NDUFAF6: variants seen among roughly 807,000 people sequenced by gnomAD.
NDUFAF6 encodes the protein NADH:ubiquinone oxidoreductase complex assembly factor 6, also known as NADH dehydrogenase (ubiquinone) complex I, assembly factor 6.
A neutral mutation model predicts 40.8 loss-of-function variants in NDUFAF6; 45 were observed. That is an observed-to-expected ratio of 1.10 (90% confidence interval 0.87 to 1.42). NDUFAF6 has a LOEUF of 1.42. Among genes scored for constraint, NDUFAF6 ranks in the 40% most tolerant of loss-of-function variants. The pLI is 0.00. For synonymous variants in NDUFAF6, 185 were observed against 155.9 expected, an observed-to-expected ratio of 1.19 and a Z score of -1.39; for missense variants, 435 against 418.5, an observed-to-expected ratio of 1.04 and a Z score of -0.34.
intron 1 of NDUFAF6, among the ~76,000 whole-genome samples, chr8:94,971,578 C>T (rs185511895): frequency 7.2e-4 from 110 of 152,244 alleles, no homozygotes; most frequent in African/African-American, 2.5e-3. Context: ...AGGTTTCTCA[C>T]AGGTGGAGAT....
chr8:94,991,908 C>T (rs1222403913), intron 2 of NDUFAF6, among the ~76,000 whole-genome samples: 2 of 150,200 alleles, frequency 1.3e-5, no homozygotes, highest in African/African-American at 2.4e-5. Context: ...CCAAATATTT[C>T]CTACAACAAA....
upstream of NDUFAF6, among the ~76,000 whole-genome samples, chr8:95,099,785 A>G (rs1280570417): frequency 1.3e-5 from 2 of 152,248 alleles, no homozygotes; most frequent in East Asian, 3.9e-4. Flanking sequence ...GCACAAAGCC[A>G]TCTTGAAGTT....
At chr8:95,011,211 C>T (rs1827215224) in intron 2 of NDUFAF6, among the ~76,000 whole-genome samples, 2 of 152,234 alleles carry the variant, frequency 1.3e-5, no homozygotes, top group African/African-American at 4.8e-5. Flanking sequence ...CACACTTTTA[C>T]TACATTTCTG....
upstream of NDUFAF6, among the ~76,000 whole-genome samples, chr8:95,095,664 GC>G (rs1809436223): frequency 1.9e-5 from 2 of 105,372 alleles, no homozygotes; most frequent in African/African-American, 6.0e-5. Context: ...AGATCATTTC[GC>G]TTTTTTTTTT....
downstream of NDUFAF6, among the ~76,000 whole-genome samples, chr8:95,106,667 A>G (rs1809851496): frequency 6.6e-6 from 1 of 152,234 alleles, no homozygotes; most frequent in South Asian, 2.1e-4. Flanking sequence ...TTGCACAGCA[A>G]AAGAAACTAC....
chr8:94,913,464 C>T (rs911250351), intron 1 of NDUFAF6, among the ~76,000 whole-genome samples: 1 of 152,158 alleles, frequency 6.6e-6, no homozygotes, highest in Non-Finnish European at 1.5e-5. Flanking sequence ...ATAATTTCCT[C>T]TTCATCATCA....
At chr8:95,107,918 G>A (rs1451855518), downstream of NDUFAF6, among the ~76,000 whole-genome samples, 1 of 152,176 alleles carries the variant, frequency 6.6e-6, no homozygotes, top group East Asian at 1.9e-4. Context: ...TGCCCTCCTA[G>A]TATTCAACTG....
At chr8:94,982,604 A>G (rs899865693) in intron 2 of NDUFAF6, among the ~76,000 whole-genome samples, 18 of 152,254 alleles carry the variant, frequency 1.2e-4, no homozygotes, top group African/African-American at 3.9e-4. Context: ...AGGTTTACCA[A>G]GCTGTCCTCT....
At chr8:95,104,000 G>A (rs1018169159), downstream of NDUFAF6, among the ~76,000 whole-genome samples, 1 of 152,040 alleles carries the variant, frequency 6.6e-6, no homozygotes, top group Admixed American at 6.6e-5. Context: ...TCCAACCACT[G>A]CTTCTTCGGG....
chr8:95,116,329 T>C (rs1415335578), exon 6 of NDUFAF6: 2 of 152,028 alleles, frequency 1.3e-5, no homozygotes, highest in Non-Finnish European at 2.9e-5. Context: ...TCATGCTTTT[T>C]ACAAGTGACT....
chr8:95,051,808 G>A (rs28645447), intron 7 of NDUFAF6, among the ~76,000 whole-genome samples: 4,639 of 152,218 alleles, frequency 0.03, 244 homozygotes, highest in African/African-American at 0.1. Context: ...ACCTAGGAGG[G>A]TCTTACTCAT....
At chr8:95,085,864 G>A (rs1809029094) in intron 2 of NDUFAF6, among the ~76,000 whole-genome samples, 1 of 152,124 alleles carries the variant, frequency 6.6e-6, no homozygotes, top group Admixed American at 6.5e-5. Flanking sequence ...ATTAGGGATG[G>A]GGCTTTATTA....
chr8:94,935,107 G>GTACA (rs1356940369), intron 1 of NDUFAF6, among the ~76,000 whole-genome samples: 30 of 146,906 alleles, frequency 2.0e-4, no homozygotes, highest in Non-Finnish European at 3.4e-4. Flanking sequence ...AGGTAGGTAG[G>GTACA]TAGGTACATA....
chr8:95,035,093 C>A (rs1053979352), intron 2 of NDUFAF6, among the ~76,000 whole-genome samples: 2 of 152,004 alleles, frequency 1.3e-5, no homozygotes, highest in Non-Finnish European at 2.9e-5. Context: ...GTTAGCCAGG[C>A]TGGTCTTGAA....
At chr8:95,086,989 G>A (rs1809070176) in intron 2 of NDUFAF6, among the ~76,000 whole-genome samples, 1 of 152,088 alleles carries the variant, frequency 6.6e-6, no homozygotes, top group South Asian at 2.1e-4. Context: ...ACTGTCATCT[G>A]AGGGAGGGGC....
At chr8:95,055,000 GTTTCAC>G (rs1831945430) in intron 8 of NDUFAF6, among the ~76,000 whole-genome samples, 1 of 152,168 alleles carries the variant, frequency 6.6e-6, no homozygotes, top group African/African-American at 2.4e-5. Flanking sequence ...GTCTTTGAGA[GTTTCAC>G]AATCAATTTG....
chr8:95,082,752 C>T (rs1359590417), intron 2 of NDUFAF6, among the ~76,000 whole-genome samples: 2 of 151,704 alleles, frequency 1.3e-5, no homozygotes, highest in Non-Finnish European at 3.0e-5. Context: ...CTCCGCCTCC[C>T]GGGTTCACGC....
intron 2 of NDUFAF6, among the ~76,000 whole-genome samples, chr8:95,000,361 C>G (rs977839527): frequency 6.6e-6 from 1 of 151,976 alleles, no homozygotes; most frequent in Non-Finnish European, 1.5e-5. Context: ...CTTATTTGGA[C>G]ATTCACTCAG....
intron 4 of NDUFAF6, among the ~76,000 whole-genome samples, chr8:95,114,163 AAAAC>A (rs112225601): frequency 1.3e-5 from 2 of 151,386 alleles, no homozygotes; most frequent in Non-Finnish European, 3.0e-5. Flanking sequence ...TAATAATAAT[AAAAC>A]AAACAAACAA....
Sources: gnomAD v4.1 joint callset for allele counts (sites outside exome capture counted in the v4.1 genomes callset) on GRCh38, gnomAD v4.1.1 for gene constraint, MANE v1.5 for transcripts, NCBI Gene and HGNC (gene_info 2026-07-23, HGNC 2026-07-21) for gene names.